KPNB1: variants seen among roughly 807,000 people sequenced by gnomAD.
KPNB1 encodes the protein karyopherin subunit beta 1.
Under a neutral mutation model 113.0 loss-of-function variants are expected in KPNB1, and 7 were observed. The observed-to-expected ratio is 0.06, with a 90% confidence interval of 0.04 to 0.12. The LOEUF is 0.12. Among genes scored for constraint, KPNB1 ranks in the 10% least tolerant of loss-of-function variants. KPNB1 has a pLI of 1.00. For synonymous variants in KPNB1, 363 were observed against 378.6 expected (o/e 0.96, Z 0.48); for missense variants, 400 against 1,054.8 (o/e 0.38, Z 8.60).
chr17:47,665,242 C>G, intron 9 of KPNB1, 84 bp downstream of exon 9: 2 of 1,000,620 alleles, frequency 2.0e-6, no homozygotes, highest in East Asian at 4.9e-5. Context: ...GAAGGAACTT[C>G]GCAGCCCATC....
At chr17:47,661,670 G>A (rs966490234) in intron 6 of KPNB1, among the ~76,000 whole-genome samples, 4 of 152,122 alleles carry the variant, frequency 2.6e-5, no homozygotes, top group Admixed American at 6.6e-5. Flanking sequence ...AAGGTTTAAG[G>A]TGCCAGTGTG....
rs2030635979 is a variant in KPNB1, at chr17:47,677,095, G to A, written c.2071G>A (p.Glu691Lys). 1.2e-6 allele frequency: 2 copies of A among 1,613,866 alleles called. No individual in the cohort carries two copies. The highest frequency in any genetic ancestry group is 1.3e-5 in the African/African-American group (1 of 74,876). The change falls in exon 17 of 22, where the codon GAG becomes AAG. Residue 691 changes from glutamate (E) to lysine (K), a missense_variant. Coordinates refer to ENST00000290158, the MANE Select transcript of KPNB1 (RefSeq NM_002265.6). ...LQSNIIPFCD[E>K]VMQLLLENLG... The stretch of plus-strand genomic sequence containing the variant: ...ATCCAACATCATACCTTTCTGTGAC[G>A]AGGTGATGCAGCTGCTTCTGGAAAA...
chr17:47,671,350 C>G (rs1347330969), intron 12 of KPNB1, among the ~76,000 whole-genome samples: 1 of 152,156 alleles, frequency 6.6e-6, no homozygotes, highest in African/African-American at 2.4e-5. Flanking sequence ...CAGTTTACAG[C>G]TGAAATCTGA....
chr17:47,654,739 A>C (rs917264080), intron 3 of KPNB1, among the ~76,000 whole-genome samples: 1 of 152,198 alleles, frequency 6.6e-6, no homozygotes, highest in Non-Finnish European at 1.5e-5. Context: ...AATCTAAAGG[A>C]AAAAGGTAAA....
chr17:47,663,276 A>G (rs1205809093), intron 7 of KPNB1, 98 bp downstream of exon 7: 1 of 726,504 alleles, frequency 1.4e-6, no homozygotes, highest in East Asian at 2.6e-5. Context: ...TTTACTTAAT[A>G]CTATGGAATC....
rs778025292 is a variant in KPNB1 at position 47,680,480 on chromosome 17, C to T, written c.2469-28C>T. 3.1e-6 allele frequency: 5 copies of T among 1,612,658 alleles called. No individual in the cohort carries two copies. The South Asian group carries it at 4.4e-5, about 14-fold the overall frequency. On this transcript the variant is annotated intron_variant, in intron 20 of 21. Transcript: ENST00000290158. ...TTATACTGGTATGGGGCTAGGAGCT[C>T]ATTCTCAGCTGTGTTTGTTTTGCAC...
intron 15 of KPNB1, among the ~76,000 whole-genome samples, chr17:47,675,372 G>GTTGTTTTTTTTTTTTTT (rs2030577407): frequency 1.2e-5 from 1 of 86,076 alleles, no homozygotes; most frequent in Admixed American, 1.2e-4. Flanking sequence ...TTTTTTTTTT[G>GTTGTTTTTTTTTTTTTT]TTTTTTTTTT....
chr17:47,656,572 G>A lies in KPNB1; in HGVS notation c.283-288G>A, dbSNP rs114873717. Among the ~76,000 whole-genome samples, 1,420 of 149,084 alleles carry A rather than the reference G, an allele frequency of 9.5e-3. 34 individuals are homozygous for A. The highest frequency in any genetic ancestry group is 0.033 in the African/African-American group (1,346 of 40,620). ...TTTTTTTTTTGAGCCTGGGCAATAT[G>A]GTGATGCCCTGTCTCAACAAAAGAT... On this transcript the variant is annotated intron_variant, in intron 3 of 21. Coordinates refer to ENST00000290158, the MANE Select transcript of KPNB1 (RefSeq NM_002265.6).
At chr17:47,659,825 T>C (rs1455505972) in intron 5 of KPNB1, among the ~76,000 whole-genome samples, 2 of 152,016 alleles carry the variant, frequency 1.3e-5, no homozygotes, top group African/African-American at 4.8e-5. Context: ...GAGGATCACT[T>C]GAGCCTGGGA....
At chr17:47,650,891 T>G (rs1915543883) in intron 2 of KPNB1, among the ~76,000 whole-genome samples, 1 of 152,158 alleles carries the variant, frequency 6.6e-6, no homozygotes, top group African/African-American at 2.4e-5. Flanking sequence ...CCTGTGGCTC[T>G]CCCCACCTAT....
Position 47,684,506 on chromosome 17 carries a change from C to G in KPNB1, c.*2102C>G, listed in dbSNP as rs567913145. 1 of 151,942 alleles carries G rather than the reference C, an allele frequency of 6.6e-6. No individual in the cohort carries two copies. Among genetic ancestry groups the G allele is most frequent in the Non-Finnish European group, 1.5e-5 (1 of 67,964 alleles). 9.4% of individuals were successfully genotyped at this position (151,942 alleles called of 1,614,324 possible). On this transcript the variant is annotated 3_prime_UTR_variant, in exon 22 of 22. Transcript: ENST00000290158. ...GAGACAGAATGATGTACTAACCATT[C>G]GTGATTATTAAGATAGGGTTGGGTC...
Position 47,656,841 on chromosome 17 carries a change from GTCT to G in KPNB1, c.283-17_283-15del, listed in dbSNP as rs1262923687. On this transcript the variant is annotated splice_polypyrimidine_tract_variant and intron_variant, in intron 3 of 21. Coordinates refer to ENST00000290158, the MANE Select transcript of KPNB1 (RefSeq NM_002265.6). The stretch of plus-strand genomic sequence containing the variant: ...ATAGTGTTAGAAATTTGTATCTTTT[GTCT>G]TTTTTTTTGGTGCAGGTTTTGCAGA... 6.5e-7 allele frequency: 1 copy of G among 1,528,488 alleles called. No individual in the cohort carries two copies. The allele number at this position is 1,528,488 out of a possible 1,614,324, so 94.7% of individuals were successfully genotyped here. A position where few individuals can be genotyped will look rare whatever the true frequency, so the allele number is the denominator to read the frequency against.
chr17:47,666,599 AT>A (rs1339183516), intron 9 of KPNB1, among the ~76,000 whole-genome samples: 7 of 143,564 alleles, frequency 4.9e-5, no homozygotes, highest in Admixed American at 3.5e-4. Context: ...ATTATATATA[AT>A]TATATATATT....
At chr17:47,671,889 C>G (rs1243567761) in intron 12 of KPNB1, 1 of 152,046 alleles carries the variant, frequency 6.6e-6, no homozygotes, top group Non-Finnish European at 1.5e-5. Flanking sequence ...TAGAAACAAG[C>G]TTTTGAAATG....
intron 17 of KPNB1, among the ~76,000 whole-genome samples, 153 bp from the exon 18 acceptor site, chr17:47,677,893 T>A (rs1265754862): frequency 6.6e-6 from 1 of 152,206 alleles, no homozygotes; most frequent in Non-Finnish European, 1.5e-5. Context: ...TTCTTAGAGT[T>A]GGTGTGAGGT....
At position 47,651,257 on chromosome 17, in the gene KPNB1, T is replaced by C. The variant is rs1413885755; in HGVS notation, c.99+813T>C. On this transcript the variant is annotated intron_variant, in intron 2 of 21. Coordinates refer to ENST00000290158, the MANE Select transcript of KPNB1 (RefSeq NM_002265.6). ...TAGAGACTGGTCCTTTGTATAAAAATGTGGGATGGATTGGTTGAAACAGCC... is the reference window on the plus strand; with the variant it reads ...TAGAGACTGGTCCTTTGTATAAAAACGTGGGATGGATTGGTTGAAACAGCC... 14 of 985,184 alleles carry C rather than the reference T, an allele frequency of 1.4e-5. No individual in the cohort carries two copies. The African/African-American group carries it at 1.6e-4, about 11-fold the overall frequency. The allele number at this position is 985,184 out of a possible 1,614,324, so 61.0% of individuals were successfully genotyped here.
chr17:47,678,726 G>A, intron 19 of KPNB1: 1 of 301,144 alleles, frequency 3.3e-6, no homozygotes, highest in Non-Finnish European at 6.5e-6. Flanking sequence ...TCCTGCCTCA[G>A]CCTCCTGAGT....
At position 47,656,890 on chromosome 17, in the gene KPNB1, C is replaced by T; in HGVS notation, c.313C>T (p.Arg105Trp). Reference protein sequence around the residue: ...VLQTLGTETYRPSSASQCVAG... With the variant: ...VLQTLGTETYWPSSASQCVAG... ...GCAGACATTGGGTACAGAAACTTAC[C>T]GGCCTAGTTCTGCCTCACAGTGTGT... Residue 105 changes from arginine (R) to tryptophan (W), a missense_variant, in exon 4 of 22, where the codon CGG becomes TGG. Arg to Trp is a moderately radical substitution (Grantham distance 101). Coordinates refer to ENST00000290158, the MANE Select transcript of KPNB1 (RefSeq NM_002265.6). 1 of 1,614,124 alleles carries T rather than the reference C, an allele frequency of 6.2e-7. No homozygotes were observed. Among genetic ancestry groups the T allele is most frequent in the Non-Finnish European group, 8.5e-7 (1 of 1,180,020 alleles).
At chr17:47,676,537 A>C (rs1284108289) in intron 16 of KPNB1, 46 bp downstream of exon 16, 10 of 1,393,698 alleles carry the variant, frequency 7.2e-6, no homozygotes, top group South Asian at 2.3e-5. Flanking sequence ...TATATCTGAC[A>C]GTCACTGTAG....
Sources: gnomAD v4.1 joint callset for allele counts (sites outside exome capture counted in the v4.1 genomes callset) on GRCh38, gnomAD v4.1.1 for gene constraint, MANE v1.5 for transcripts, NCBI Gene and HGNC (gene_info 2026-07-23, HGNC 2026-07-21) for gene names.